The following SLC16A7 variants were observed in gnomAD, a reference collection of about 807,000 sequenced individuals.
The protein encoded by SLC16A7 is monocarboxylate transporter 2.
A neutral mutation model predicts 34.9 loss-of-function variants in SLC16A7; 33 were observed. The ratio of observed to expected loss-of-function variants is 0.94; its 90% CI spans 0.72 to 1.26. SLC16A7 has a LOEUF of 1.26. Ranked by LOEUF, SLC16A7 falls within the 50% of genes most tolerant of loss-of-function variation. The pLI is 0.00. For missense variants in SLC16A7, 573 were observed against 578.1 expected (o/e 0.99, Z 0.09); for synonymous variants, 201 against 206.6 (o/e 0.97, Z 0.23).
At chr12:59,698,659 G>A (rs1482380296) in intron 2 of SLC16A7, among the ~76,000 whole-genome samples, 1 of 151,744 alleles carries the variant, frequency 6.6e-6, no homozygotes, top group East Asian at 1.9e-4. Context: ...AATATCTTCT[G>A]TTGATATTTT....
chr12:59,623,628 A>G (rs1282237497), intron 1 of SLC16A7, among the ~76,000 whole-genome samples: 1 of 151,706 alleles, frequency 6.6e-6, no homozygotes, highest in Non-Finnish European at 1.5e-5. Context: ...TTATCTATCA[A>G]ACTTGCTAGA....
chr12:59,631,004 A>G (rs757558613), intron 1 of SLC16A7, among the ~76,000 whole-genome samples: 24 of 151,926 alleles, frequency 1.6e-4, no homozygotes, highest in Non-Finnish European at 3.1e-4. Flanking sequence ...CCTCTTAGGT[A>G]GTCTTAGCTT....
At chr12:59,767,067 T>C (rs1881731414) in intron 3 of SLC16A7, among the ~76,000 whole-genome samples, 1 of 152,020 alleles carries the variant, frequency 6.6e-6, no homozygotes, top group African/African-American at 2.4e-5. Context: ...TGCGAGGGTG[T>C]ATGTGTTGCG....
intron 3 of SLC16A7, among the ~76,000 whole-genome samples, chr12:59,770,599 TAAC>T (rs1371456869): frequency 1.3e-5 from 2 of 152,180 alleles, no homozygotes; most frequent in South Asian, 4.1e-4. Flanking sequence ...TAGTCCATGA[TAAC>T]AACATTACTA....
intron 1 of SLC16A7, among the ~76,000 whole-genome samples, chr12:59,624,951 G>C (rs908031865): frequency 6.6e-6 from 1 of 151,736 alleles, no homozygotes; most frequent in African/African-American, 2.4e-5. Context: ...AAGTCCACCA[G>C]TGCATCAAAT....
rs1351397869 is a variant in SLC16A7, at chr12:59,784,002, C to G, written c.*4323C>G. 1 of 152,032 alleles carries G rather than the reference C, an allele frequency of 6.6e-6. No homozygotes were observed. The highest frequency in any genetic ancestry group is 1.5e-5 in the Non-Finnish European group (1 of 68,012). 9.4% of individuals were successfully genotyped at this position (152,032 alleles called of 1,614,324 possible). On this transcript the variant is annotated 3_prime_UTR_variant, in exon 6 of 6. Coordinates refer to ENST00000547379, the MANE Select transcript of SLC16A7 (RefSeq NM_001270623.2). ...CCTTGAATATGTAATTTCTGATTGCCTGCTTTTCTCCCCAATGCAAATTAT... is the reference window on the plus strand; with the variant it reads ...CCTTGAATATGTAATTTCTGATTGCGTGCTTTTCTCCCCAATGCAAATTAT...
chr12:59,708,301 C>A (rs1873819335), intron 3 of SLC16A7, among the ~76,000 whole-genome samples: 1 of 152,024 alleles, frequency 6.6e-6, no homozygotes, highest in South Asian at 2.1e-4. Flanking sequence ...AGGCCTTATC[C>A]CAAATCCCCT....
At chr12:59,720,701 T>C (rs1038502142) in intron 3 of SLC16A7, among the ~76,000 whole-genome samples, 4 of 152,084 alleles carry the variant, frequency 2.6e-5, no homozygotes, top group Non-Finnish European at 4.4e-5. Flanking sequence ...TCATTATCAA[T>C]AGCTTTCAAA....
intron 1 of SLC16A7, among the ~76,000 whole-genome samples, chr12:59,645,160 A>G (rs1880852719): frequency 6.6e-6 from 1 of 152,174 alleles, no homozygotes; most frequent in African/African-American, 2.4e-5. Flanking sequence ...AAAGGTGACT[A>G]AGAGGATTTC....
Position 59,779,994 on chromosome 12 carries a change from T to G in SLC16A7, c.*315T>G, listed in dbSNP as rs1044881569. 9.4e-6 allele frequency: 2 copies of G among 212,708 alleles called. No individual in the cohort carries two copies. The highest frequency in any genetic ancestry group is 1.9e-5 in the Non-Finnish European group (2 of 105,380). 13.2% of individuals were successfully genotyped at this position (212,708 alleles called of 1,614,324 possible). The stretch of plus-strand genomic sequence containing the variant: ...TTTCGGTCTTGGTTATATGGAGAAT[T>G]CTGAATCCCAAACCCCTGGTTTAAG... On this transcript the variant is annotated 3_prime_UTR_variant, in exon 6 of 6. Transcript: ENST00000547379.
chr12:59,618,977 C>T (rs982009709), intron 1 of SLC16A7, among the ~76,000 whole-genome samples: 3 of 151,984 alleles, frequency 2.0e-5, no homozygotes, highest in Non-Finnish European at 4.4e-5. Flanking sequence ...CCATTTGCAA[C>T]ACCTGATTAT....
chr12:59,635,315 T>C (rs1230216199), intron 1 of SLC16A7, among the ~76,000 whole-genome samples: 1 of 152,056 alleles, frequency 6.6e-6, no homozygotes, highest in African/African-American at 2.4e-5. Context: ...TTCTGCCCCT[T>C]ATTAACATTG....
intron 4 of SLC16A7, among the ~76,000 whole-genome samples, chr12:59,773,976 C>T (rs776893944): frequency 5.3e-5 from 8 of 152,218 alleles, no homozygotes; most frequent in Non-Finnish European, 1.2e-4. Flanking sequence ...TGCCAAGGAA[C>T]TCCCTAGACA....
At chr12:59,679,978 C>G (rs978659366) in intron 2 of SLC16A7, among the ~76,000 whole-genome samples, 1 of 152,104 alleles carries the variant, frequency 6.6e-6, no homozygotes, top group Non-Finnish European at 1.5e-5. Flanking sequence ...TAACTCCAAG[C>G]TGTGGAACTT....
At chr12:59,617,617 G>A (rs1419350371) in intron 1 of SLC16A7, among the ~76,000 whole-genome samples, 1 of 151,878 alleles carries the variant, frequency 6.6e-6, no homozygotes, top group African/African-American at 2.4e-5. Flanking sequence ...AGTAGGCTCT[G>A]CGCTTGTTTT....
intron 2 of SLC16A7, among the ~76,000 whole-genome samples, chr12:59,698,529 A>G (rs1872560888): frequency 6.6e-6 from 1 of 151,858 alleles, no homozygotes; most frequent in Non-Finnish European, 1.5e-5. Flanking sequence ...TGGCAGAGTC[A>G]TGGCCTATGC....
chr12:59,748,425 G>A (rs1197839716), intron 3 of SLC16A7, among the ~76,000 whole-genome samples: 1 of 152,144 alleles, frequency 6.6e-6, no homozygotes, highest in East Asian at 1.9e-4. Flanking sequence ...GTTGTGTCAT[G>A]CCTAAAACAT....
intron 1 of SLC16A7, among the ~76,000 whole-genome samples, chr12:59,652,261 A>C (rs1413155790): frequency 6.6e-6 from 1 of 152,064 alleles, no homozygotes; most frequent in East Asian, 1.9e-4. Flanking sequence ...ATAATCAACC[A>C]GGTGTAAACA....
chr12:59,618,000 T>C (rs1411984924), intron 1 of SLC16A7, among the ~76,000 whole-genome samples: 1 of 151,998 alleles, frequency 6.6e-6, no homozygotes, highest in Non-Finnish European at 1.5e-5. Context: ...ATAGCTATAT[T>C]TTACTATTGT....
Sources: gnomAD v4.1 joint callset for allele counts (sites outside exome capture counted in the v4.1 genomes callset) on GRCh38, gnomAD v4.1.1 for gene constraint, MANE v1.5 for transcripts, NCBI Gene and HGNC (gene_info 2026-07-23, HGNC 2026-07-21) for gene names.